Variants in ROBO2 observed in about 807,000 individuals in gnomAD.
ROBO2 encodes the protein roundabout guidance receptor 2, also known as roundabout homolog 2.
A neutral mutation model predicts 160.8 loss-of-function variants in ROBO2; 53 were observed. The observed-to-expected ratio is 0.33, with a 90% confidence interval of 0.26 to 0.41. The LOEUF is 0.41. Ranked by LOEUF, ROBO2 falls within the 10% of genes least tolerant of loss-of-function variation. The pLI is 1.00. For missense variants in ROBO2, 1,577 were observed against 1,722.4 expected, an observed-to-expected ratio of 0.92 and a Z score of 1.49; for synonymous variants, 664 against 611.7, an observed-to-expected ratio of 1.09 and a Z score of -1.26.
chr3:77,622,170 G>A, intron 22 of ROBO2, 57 bp from the exon 24 acceptor site: 1 of 1,467,784 alleles, frequency 6.8e-7, no homozygotes, highest in South Asian at 1.2e-5. Context: ...TTAAAATTAT[G>A]ATTTTGTTGC....
chr3:77,171,450 A>T (rs1187628317), intron 2 of ROBO2, among the ~76,000 whole-genome samples: 1 of 152,228 alleles, frequency 6.6e-6, no homozygotes, highest in African/African-American at 2.4e-5. Flanking sequence ...TAATATAAGA[A>T]AAAAAGTATT....
chr3:76,657,604 ATATATATTCATATATATGTG>A (rs2091599981), intron 2 of ROBO2, among the ~76,000 whole-genome samples: 1 of 88,962 alleles, frequency 1.1e-5, no homozygotes, highest in African/African-American at 5.8e-5. Flanking sequence ...ATATATGTAT[ATATATATTCATATATATGTG>A]TATATATATT....
At chr3:77,330,791 G>A (rs536792994) in intron 2 of ROBO2, among the ~76,000 whole-genome samples, 17 of 152,256 alleles carry the variant, frequency 1.1e-4, no homozygotes, top group African/African-American at 3.4e-4. Context: ...CTTATTTATC[G>A]TTGAGGTATA....
At chr3:76,048,071 T>C (rs957003786) in intron 2 of ROBO2, among the ~76,000 whole-genome samples, 2 of 152,160 alleles carry the variant, frequency 1.3e-5, no homozygotes, top group African/African-American at 4.8e-5. Context: ...TTAGAGGCTT[T>C]TCATATATTA....
rs553666230 is a variant in ROBO2, at chr3:76,005,701, C to G, written c.109+68099C>G. 9.9e-5 allele frequency among the ~76,000 whole-genome samples: 15 copies of G among 152,186 alleles called. No homozygotes were observed. The East Asian group carries it at 2.9e-3, about 29-fold the overall frequency. ...CTAATAAGTGTTTCCAGAGTTACAA[C>G]AAAATGATCAATACTTGAACAATAT... On this transcript the variant is annotated intron_variant, in intron 2 of 26. Coordinates refer to the ROBO2 transcript ENST00000487694.
At chr3:76,264,995 G>T (rs1707010061) in intron 2 of ROBO2, among the ~76,000 whole-genome samples, 1 of 152,068 alleles carries the variant, frequency 6.6e-6, no homozygotes, top group African/African-American at 2.4e-5. Flanking sequence ...ATACCACCTT[G>T]TGTTGAAACA....
intron 20 of ROBO2, among the ~76,000 whole-genome samples, chr3:77,604,359 A>G (rs1260570030): frequency 6.6e-6 from 1 of 152,188 alleles, no homozygotes; most frequent in Non-Finnish European, 1.5e-5. Context: ...ATGCAAAGTC[A>G]CATGCAGTAT....
chr3:76,343,252 G>A (rs970251131), intron 2 of ROBO2, among the ~76,000 whole-genome samples: 1 of 151,984 alleles, frequency 6.6e-6, no homozygotes, highest in South Asian at 2.1e-4. Flanking sequence ...AAGAACCAAA[G>A]TGAAAACAAC....
intron 2 of ROBO2, among the ~76,000 whole-genome samples, chr3:76,738,359 T>A (rs1343353149): frequency 1.3e-5 from 2 of 152,148 alleles, no homozygotes; most frequent in Non-Finnish European, 2.9e-5. Flanking sequence ...TCAGGGCTTC[T>A]CAACGTCAGC....
chr3:76,001,510 ATATGTGTGTGTGTGTGTGTATGTGTG>A (rs980011148), intron 2 of ROBO2, among the ~76,000 whole-genome samples: 1 of 151,886 alleles, frequency 6.6e-6, no homozygotes, highest in African/African-American at 2.4e-5. Flanking sequence ...ATTTATTTGA[ATATGTGTGTGTGTGTGTGTATGTGTG>A]TATGTGTGTG....
intron 2 of ROBO2, among the ~76,000 whole-genome samples, chr3:76,713,768 G>T (rs1279996580): frequency 1.3e-5 from 2 of 152,028 alleles, no homozygotes; most frequent in African/African-American, 2.4e-5. Context: ...GCTTTTAAGC[G>T]TACTTCTATT....
At chr3:76,274,628 G>A (rs915975016) in intron 2 of ROBO2, among the ~76,000 whole-genome samples, 3 of 151,936 alleles carry the variant, frequency 2.0e-5, no homozygotes, top group Non-Finnish European at 2.9e-5. Flanking sequence ...CACAAGGTCA[G>A]GAGTTTGAGA....
At chr3:76,032,445 T>A (rs1051866919) in intron 2 of ROBO2, among the ~76,000 whole-genome samples, 4 of 152,158 alleles carry the variant, frequency 2.6e-5, no homozygotes, top group African/African-American at 7.2e-5. Context: ...TTAATTGTGA[T>A]GTTAGGGTGT....
chr3:77,118,744 G>C (rs7619404), intron 2 of ROBO2, among the ~76,000 whole-genome samples: 1 of 151,996 alleles, frequency 6.6e-6, no homozygotes, highest in African/African-American at 2.4e-5. Context: ...TTAACAACAG[G>C]GATATGTTTT....
intron 2 of ROBO2, among the ~76,000 whole-genome samples, chr3:76,432,705 T>C (rs906893106): frequency 2.6e-5 from 4 of 152,080 alleles, no homozygotes; most frequent in Non-Finnish European, 4.4e-5. Context: ...TTGGAAGAAA[T>C]GTACCCTTAC....
intron 24 of ROBO2, chr3:77,642,780 T>G (rs976339329): frequency 4.4e-6 from 2 of 456,674 alleles, no homozygotes; most frequent in Non-Finnish European, 8.8e-6. Context: ...AAGGAAGCTC[T>G]CTAGAGAGAC....
intron 2 of ROBO2, among the ~76,000 whole-genome samples, chr3:76,755,240 C>T (rs2060901259): frequency 6.6e-6 from 1 of 151,520 alleles, no homozygotes; most frequent in Non-Finnish European, 1.5e-5. Context: ...GAATATTTAC[C>T]AAACAGTTTT....
chr3:76,736,239 G>A (rs112412770), intron 2 of ROBO2, among the ~76,000 whole-genome samples: 1 of 137,192 alleles, frequency 7.3e-6, no homozygotes, highest in South Asian at 2.3e-4. Context: ...CCGAGATCGC[G>A]TCCCTGCACT....
intron 2 of ROBO2, among the ~76,000 whole-genome samples, chr3:76,550,195 G>A (rs1001478624): frequency 5.3e-5 from 8 of 152,042 alleles, no homozygotes; most frequent in African/African-American, 1.2e-4. Flanking sequence ...TAACTAACTC[G>A]TAAAATGACC....
Sources: gnomAD v4.1 joint callset for allele counts (sites outside exome capture counted in the v4.1 genomes callset) on GRCh38, gnomAD v4.1.1 for gene constraint, MANE v1.5 for transcripts, NCBI Gene and HGNC (gene_info 2026-07-23, HGNC 2026-07-21) for gene names.